The following NLGN1 variants were observed in gnomAD, a reference collection of about 807,000 sequenced individuals.
NLGN1 encodes neuroligin 1, also known as neuroligin-1.
Under a neutral mutation model 65.5 loss-of-function variants are expected in NLGN1, and 12 were observed. The observed-to-expected ratio is 0.18, with a 90% CI of 0.12 to 0.30. The LOEUF (loss-of-function observed/expected upper bound fraction) is 0.30, where lower values mean the gene tolerates loss of function less well. Ranked by LOEUF, NLGN1 falls within the 10% of genes least tolerant of loss-of-function variation. The probability of loss-of-function intolerance (pLI) is 1.00; values close to 1 mark genes in which losing one functional copy is unlikely to be tolerated. For synonymous variants in NLGN1, 350 were observed against 359.5 expected (o/e 0.97, Z 0.30); for missense variants, 750 against 1,007.1 (o/e 0.74, Z 3.46).
chr3:173,901,276 G>C (rs1347480519), intron 4 of NLGN1, among the ~76,000 whole-genome samples: 1 of 150,862 alleles, frequency 6.6e-6, no homozygotes, highest in Non-Finnish European at 1.5e-5. Context: ...GAGATGAGGA[G>C]TACAATTAAT....
At chr3:173,821,559 C>G (rs1578617365) in intron 4 of NLGN1, among the ~76,000 whole-genome samples, 1 of 152,086 alleles carries the variant, frequency 6.6e-6, no homozygotes, top group African/African-American at 2.4e-5. Flanking sequence ...ACAATTTTAT[C>G]TGCTTTAAGT....
At chr3:173,863,314 A>G (rs1729512992) in intron 4 of NLGN1, among the ~76,000 whole-genome samples, 3 of 152,116 alleles carry the variant, frequency 2.0e-5, no homozygotes, top group Admixed American at 1.3e-4. Flanking sequence ...TGTGGTTCAT[A>G]TACTTAAATC....
intron 4 of NLGN1, among the ~76,000 whole-genome samples, chr3:174,093,805 CA>C (rs1231442964): frequency 2.6e-5 from 4 of 152,160 alleles, no homozygotes; most frequent in African/African-American, 9.7e-5. Context: ...CTATCTATTA[CA>C]AATACAAAGA....
chr3:174,065,790 G>A (rs1463963109), intron 4 of NLGN1, among the ~76,000 whole-genome samples: 1 of 151,880 alleles, frequency 6.6e-6, no homozygotes, highest in Non-Finnish European at 1.5e-5. Flanking sequence ...CCTGCTGTGA[G>A]GAAGACAGCC....
intron 2 of NLGN1, among the ~76,000 whole-genome samples, chr3:173,463,286 A>G (rs968119816): frequency 1.3e-5 from 2 of 152,212 alleles, no homozygotes; most frequent in African/African-American, 2.4e-5. Context: ...AACATTATTC[A>G]TTGTAAACAA....
At chr3:174,003,542 T>G (rs1429125109) in intron 4 of NLGN1, among the ~76,000 whole-genome samples, 1 of 152,188 alleles carries the variant, frequency 6.6e-6, no homozygotes, top group Non-Finnish European at 1.5e-5. Context: ...TATTTCATAT[T>G]CTAAATCCTG....
At chr3:173,614,825 C>T (rs967929824) in intron 3 of NLGN1, among the ~76,000 whole-genome samples, 5 of 152,080 alleles carry the variant, frequency 3.3e-5, no homozygotes, top group Admixed American at 6.6e-5. Flanking sequence ...TTTCTTCTCT[C>T]CTTCCTTGAT....
rs527647641 is a variant in NLGN1, at chr3:173,582,358, A to G, written c.-320-21921A>G. ...AATGAATAGTTCTAGGAGTGGAAAA[A>G]CTGGATTATAGGACATAAAAATGTT... On this transcript the variant is annotated intron_variant, in intron 2 of 6. Coordinates refer to ENST00000457714, the Ensembl canonical transcript of NLGN1. Among the ~76,000 whole-genome samples, 650 of 152,136 alleles carry G rather than the reference A, an allele frequency of 4.3e-3. 8 individuals are homozygous for G. The highest frequency in any genetic ancestry group is 0.015 in the African/African-American group (629 of 41,540).
chr3:173,734,169 A>G (rs1304061086), intron 3 of NLGN1, among the ~76,000 whole-genome samples: 2 of 151,812 alleles, frequency 1.3e-5, no homozygotes, highest in African/African-American at 4.8e-5. Flanking sequence ...AAATTCCTTT[A>G]TTGGTTTTGT....
chr3:173,432,760 G>A (rs948920762), intron 1 of NLGN1, among the ~76,000 whole-genome samples: 5 of 151,730 alleles, frequency 3.3e-5, no homozygotes, highest in African/African-American at 1.2e-4. Context: ...TGTGGATTGT[G>A]CCTTTGTTGT....
intron 3 of NLGN1, among the ~76,000 whole-genome samples, chr3:173,695,004 A>G (rs762315610): frequency 8.5e-5 from 13 of 152,082 alleles, no homozygotes; most frequent in Non-Finnish European, 1.5e-4. Context: ...TTTTCCAGTA[A>G]TTGTATTGAG....
At chr3:173,544,103 G>C (rs1338497573) in intron 2 of NLGN1, among the ~76,000 whole-genome samples, 1 of 152,074 alleles carries the variant, frequency 6.6e-6, no homozygotes, top group Non-Finnish European at 1.5e-5. Flanking sequence ...TGAGTGCTTG[G>C]AGTATTATGT....
intron 2 of NLGN1, among the ~76,000 whole-genome samples, chr3:173,505,489 A>C (rs927936280): frequency 6.6e-6 from 1 of 152,110 alleles, no homozygotes; most frequent in Non-Finnish European, 1.5e-5. Flanking sequence ...TTTAGAATTT[A>C]ATATCTGCCT....
intron 4 of NLGN1, among the ~76,000 whole-genome samples, chr3:174,185,126 A>G (rs988191773): frequency 2.5e-4 from 38 of 151,666 alleles, no homozygotes; most frequent in Non-Finnish European, 4.6e-4. Flanking sequence ...GCTTCCTTGA[A>G]CCCACTTGAT....
intron 4 of NLGN1, among the ~76,000 whole-genome samples, chr3:174,056,116 A>G (rs1173935242): frequency 1.3e-5 from 2 of 152,078 alleles, no homozygotes; most frequent in African/African-American, 4.8e-5. Context: ...TATAACCTAA[A>G]GCTTAGAGGG....
At chr3:174,021,365 T>C (rs1211418475) in intron 4 of NLGN1, among the ~76,000 whole-genome samples, 1 of 152,114 alleles carries the variant, frequency 6.6e-6, no homozygotes, top group Non-Finnish European at 1.5e-5. Flanking sequence ...TAAAGAACTT[T>C]ATTTTCTTCT....
At chr3:173,751,390 T>G (rs1468265424) in intron 3 of NLGN1, among the ~76,000 whole-genome samples, 1 of 152,108 alleles carries the variant, frequency 6.6e-6, no homozygotes, top group African/African-American at 2.4e-5. Flanking sequence ...TAATCTAACA[T>G]TGATTAATTT....
intron 4 of NLGN1, among the ~76,000 whole-genome samples, chr3:173,847,519 T>A (rs1726008398): frequency 6.6e-6 from 1 of 152,182 alleles, no homozygotes; most frequent in South Asian, 2.1e-4. Context: ...CTTATTACAA[T>A]GAGAAGTTTT....
rs549127596 is a variant in NLGN1 at position 173,899,959 on chromosome 3, A to C, written c.646+92127A>C. ...ACAAAGAAATAAATGATGCATATGCAATCAACTGAGTTCATAAGAGATAAT... is the reference window on the plus strand; with the variant it reads ...ACAAAGAAATAAATGATGCATATGCCATCAACTGAGTTCATAAGAGATAAT... On this transcript the variant is annotated intron_variant, in intron 4 of 6. Coordinates refer to ENST00000457714, the Ensembl canonical transcript of NLGN1. 1.2e-4 allele frequency among the ~76,000 whole-genome samples: 19 copies of C among 152,280 alleles called. No individual in the cohort carries two copies. In the South Asian group the frequency reaches 2.1e-3, roughly 17 times the overall value.
Sources: gnomAD v4.1 joint callset for allele counts (sites outside exome capture counted in the v4.1 genomes callset) on GRCh38, gnomAD v4.1.1 for gene constraint, MANE v1.5 for transcripts, NCBI Gene and HGNC (gene_info 2026-07-23, HGNC 2026-07-21) for gene names.